Variants in DCAF16 observed in about 807,000 individuals in gnomAD.
DCAF16 encodes DDB1 and CUL4 associated factor 16.
DCAF16 carries 10 observed loss-of-function variants against 17.3 expected under a neutral mutation model. The observed-to-expected ratio is 0.58, with a 90% confidence interval of 0.36 to 0.98. The LOEUF is 0.98. Ranked by LOEUF, DCAF16 falls within the 50% of genes least tolerant of loss-of-function variation. The probability of loss-of-function intolerance (pLI) is 0.01; values close to 1 mark genes in which losing one functional copy is unlikely to be tolerated. For missense variants in DCAF16, 249 were observed against 247.6 expected (o/e 1.01, Z -0.04); for synonymous variants, 111 against 92.8 (o/e 1.20, Z -1.12).
rs1370529293 is a variant in DCAF16 at position 17,804,161 on chromosome 4, G to A, written c.-20C>T. On this transcript the variant is annotated 5_prime_UTR_variant, in exon 3 of 3. Coordinates refer to ENST00000382247, the MANE Select transcript of DCAF16 (RefSeq NM_017741.4). ...ACCCATCAGAATAAAACACAGTAAG[G>A]AACCAGAAAAAGGTAATAATCTAAG... The A allele has an allele frequency of 2.5e-6, 4 of 1,592,108 alleles. No homozygotes were observed. The highest frequency in any genetic ancestry group is 2.3e-5 in the South Asian group (2 of 87,724).
At chr4:17,809,669 T>C (rs1720682914) in intron 1 of DCAF16, 1 of 152,100 alleles carries the variant, frequency 6.6e-6, no homozygotes, top group Admixed American at 6.5e-5. Flanking sequence ...CCTCCTAGGT[T>C]CTTTGGCTGG....
chr4:17,804,502 T>A lies in DCAF16; in HGVS notation c.-361A>T, dbSNP rs1020449790. 1.7e-5 allele frequency: 4 copies of A among 233,712 alleles called. No individual in the cohort carries two copies. Among genetic ancestry groups the A allele is most frequent in the Non-Finnish European group, 3.6e-5 (4 of 110,012 alleles). 14.5% of individuals were successfully genotyped at this position (233,712 alleles called of 1,614,324 possible). ...CTGATTTACTTAGCATAGTCCCAAC[T>A]GGTAGTGATACTGTGAAGAGACACT... On this transcript the variant is annotated 5_prime_UTR_variant, in exon 3 of 3. Coordinates refer to ENST00000382247, the MANE Select transcript of DCAF16 (RefSeq NM_017741.4).
chr4:17,794,155 A>C, the DCAF16 span, among the ~76,000 whole-genome samples: 2 of 152,198 alleles, frequency 1.3e-5, no homozygotes, highest in Admixed American at 1.3e-4. Flanking sequence ...TATTTTTAAA[A>C]AGTAGATACA....
rs149154868 is a variant in DCAF16 at position 17,803,102 on chromosome 4, G to A, written c.*389C>T. 1.2e-3 allele frequency: 217 copies of A among 177,372 alleles called. No homozygotes were observed. Among genetic ancestry groups the A allele is most frequent in the African/African-American group, 4.8e-3 (198 of 41,632 alleles). 11.0% of individuals were successfully genotyped at this position (177,372 alleles called of 1,614,324 possible). On this transcript the variant is annotated 3_prime_UTR_variant, in exon 3 of 3. Coordinates refer to ENST00000382247, the MANE Select transcript of DCAF16 (RefSeq NM_017741.4). ...TACAGTGGCATAATCTCAACTCACC[G>A]CAACCTCCGTCTCCTGGGTTCAAGT...
At chr4:17,799,047 A>G (rs552649897), downstream of DCAF16, among the ~76,000 whole-genome samples, 39 of 152,264 alleles carry the variant, frequency 2.6e-4, no homozygotes, top group African/African-American at 8.4e-4. Context: ...AGGCTGTTCT[A>G]TATGTCCTAG....
downstream of DCAF16, among the ~76,000 whole-genome samples, chr4:17,798,211 T>G (rs1719515642): frequency 6.6e-6 from 1 of 152,190 alleles, no homozygotes; most frequent in African/African-American, 2.4e-5. Context: ...TCAACTTCGT[T>G]TTATGATTCA....
In DCAF16 at chr4:17,804,147, T is replaced by A. The variant is rs766230422; in HGVS notation, c.-6A>T. 6.2e-7 allele frequency: 1 copy of A among 1,607,434 alleles called. No homozygotes were observed. The highest frequency in any genetic ancestry group is 8.5e-7 in the Non-Finnish European group (1 of 1,177,282). On this transcript the variant is annotated 5_prime_UTR_variant, in exon 3 of 3. Transcript: ENST00000382247. ...GAGGGATTTCTAGGACCCATCAGAA[T>A]AAAACACAGTAAGGAACCAGAAAAA...
At chr4:17,798,234 T>G (rs761702488), downstream of DCAF16, among the ~76,000 whole-genome samples, 10 of 152,030 alleles carry the variant, frequency 6.6e-5, no homozygotes, top group Non-Finnish European at 1.3e-4. Flanking sequence ...TTGAAACTGT[T>G]GCTAACGTTT....
the DCAF16 span, among the ~76,000 whole-genome samples, chr4:17,793,837 T>C: frequency 6.6e-6 from 1 of 152,334 alleles, no homozygotes; most frequent in South Asian, 2.1e-4. Flanking sequence ...ATTTACTGTA[T>C]ATTTGTGATT....
At position 17,803,760 on chromosome 4, in the gene DCAF16, G is replaced by A. The variant is rs1348499218; in HGVS notation, c.382C>T (p.Leu128Phe). The A allele has an allele frequency of 3.1e-6, 5 of 1,614,158 alleles. No homozygotes were observed. The highest frequency in any genetic ancestry group is 4.2e-6 in the Non-Finnish European group (5 of 1,180,034). ...SCGVPPFQKPLTSPSRLSRDH... is the reference protein window; with the variant it reads ...SCGVPPFQKPFTSPSRLSRDH... ...CTAGAGAGCCGGCTGGGACTTGTAAGAGGCTTTTGAAAAGGTGGGACTCCA... is the reference window on the plus strand; with the variant it reads ...CTAGAGAGCCGGCTGGGACTTGTAAAAGGCTTTTGAAAAGGTGGGACTCCA... The change falls in exon 3 of 3, where the codon CTT becomes TTT. Residue 128 changes from leucine (L) to phenylalanine (F), a missense_variant. Physicochemically the swap from Leu to Phe is conservative, Grantham distance 22 (BLOSUM62 0). Coordinates refer to ENST00000382247, the MANE Select transcript of DCAF16 (RefSeq NM_017741.4).
At chr4:17,808,620 A>C (rs951536562) in intron 1 of DCAF16, among the ~76,000 whole-genome samples, 10 of 152,234 alleles carry the variant, frequency 6.6e-5, no homozygotes, top group South Asian at 2.1e-4. Context: ...AAAACAAAAA[A>C]AAAAACTAAC....
chr4:17,805,463 C>T (rs984296448), intron 1 of DCAF16, among the ~76,000 whole-genome samples: 2 of 151,748 alleles, frequency 1.3e-5, no homozygotes, highest in African/African-American at 4.8e-5. Context: ...TATAAATTAC[C>T]AGAACTAAAG....
downstream of DCAF16, among the ~76,000 whole-genome samples, chr4:17,797,217 C>G (rs1056708395): frequency 2.6e-5 from 4 of 152,156 alleles, no homozygotes; most frequent in Non-Finnish European, 5.9e-5. Flanking sequence ...GACTAAAACC[C>G]AAGCTTAATC....
downstream of DCAF16, among the ~76,000 whole-genome samples, chr4:17,798,482 G>A (rs1397273818): frequency 6.6e-6 from 1 of 151,976 alleles, no homozygotes; most frequent in Non-Finnish European, 1.5e-5. Flanking sequence ...GTAGTCCACA[G>A]CTACTGATGA....
chr4:17,804,166 A>T lies in DCAF16; in HGVS notation c.-25T>A. 1 of 1,585,354 alleles carries T rather than the reference A, an allele frequency of 6.3e-7. No individual in the cohort carries two copies. The highest frequency in any genetic ancestry group is 8.6e-7 in the Non-Finnish European group (1 of 1,165,270). On this transcript the variant is annotated 5_prime_UTR_variant, in exon 3 of 3. Transcript: ENST00000382247. ...TCAGAATAAAACACAGTAAGGAACCAGAAAAAGGTAATAATCTAAGCCAGC... is the reference window on the plus strand; with the variant it reads ...TCAGAATAAAACACAGTAAGGAACCTGAAAAAGGTAATAATCTAAGCCAGC...
At position 17,804,301 on chromosome 4, in the gene DCAF16, C is replaced by G; in HGVS notation, c.-160G>C. 1 of 646,468 alleles carries G rather than the reference C, an allele frequency of 1.5e-6. No homozygotes were observed. The allele number at this position is 646,468 out of a possible 1,614,324, so 40.0% of individuals were successfully genotyped here. ...ACATAAAGTATGCTTGTGGCCCATA[C>G]CACTGTGCCGTTCTTCAAGATTATG... On this transcript the variant is annotated 5_prime_UTR_variant, in exon 3 of 3. Transcript: ENST00000382247.
downstream of DCAF16, among the ~76,000 whole-genome samples, chr4:17,796,184 C>T (rs1400970511): frequency 2.0e-5 from 3 of 152,116 alleles, no homozygotes; most frequent in Non-Finnish European, 4.4e-5. Flanking sequence ...TTCAAATAAT[C>T]CCCTTGTTTC....
Position 17,804,018 on chromosome 4 carries a change from T to C in DCAF16, c.124A>G (p.Met42Val), listed in dbSNP as rs191876701. ...TCAAGAGGCGATAAGTTGGGCACCA[T>C]AGAGTCCTCTTCTTCAGAGGAATCC... ...EWDSSEEEDS[M>V]VPNLSPLESL... Residue 42 changes from methionine to valine, a missense_variant, in exon 3 of 3, where the codon ATG (methionine) becomes GTG (valine). Met to Val is a conservative substitution (Grantham distance 21, BLOSUM62 1). Coordinates refer to ENST00000382247, the MANE Select transcript of DCAF16 (RefSeq NM_017741.4). 9.5e-4 allele frequency: 1,536 copies of C among 1,614,194 alleles called. 34 individuals are homozygous for C. In the South Asian group the frequency reaches 0.016, roughly 17 times the overall value.
Position 17,803,674 on chromosome 4 carries a change from C to A in DCAF16, c.468G>T (p.Leu156Phe). The change falls in exon 3 of 3, where the codon TTG becomes TTT. Residue 156 changes from leucine (L) to phenylalanine (F), a missense_variant. By Grantham distance (22) the Leu-to-Phe change is conservative (BLOSUM62 0). Transcript: ENST00000382247. The part of the protein sequence containing the change: ...QFATKQLSRT[L>F]SRATPIPEYL... ...ATTCAGGTATGGGAGTGGCTCTACT[C>A]AATGTTCGGCTTAGCTGTTTGGTGG... 6.2e-7 allele frequency: 1 copy of A among 1,614,160 alleles called. No homozygotes were observed.
Sources: allele counts gnomAD v4.1 joint callset (sites outside exome capture counted in the v4.1 genomes callset), GRCh38; gene constraint gnomAD v4.1.1; transcripts MANE v1.5; gene names NCBI Gene and HGNC (gene_info 2026-07-23, HGNC 2026-07-21).